Variants in CCSER1 observed in about 807,000 individuals in gnomAD.
CCSER1 encodes the protein coiled-coil serine rich protein 1.
A neutral mutation model predicts 82.0 loss-of-function variants in CCSER1; 41 were observed. The ratio of observed to expected loss-of-function variants is 0.50; its 90% confidence interval spans 0.39 to 0.65. The LOEUF (loss-of-function observed/expected upper bound fraction) is 0.65, where lower values mean the gene tolerates loss of function less well. Among genes scored for constraint, CCSER1 ranks in the 30% least tolerant of loss-of-function variants. CCSER1 has a pLI of 0.00. For missense variants in CCSER1, 1,119 were observed against 1,064.2 expected (o/e 1.05, Z -0.72); for synonymous variants, 414 against 383.9 (o/e 1.08, Z -0.92).
intron 10 of CCSER1, among the ~76,000 whole-genome samples, chr4:91,374,673 A>T (rs1399419249): frequency 6.6e-6 from 1 of 152,224 alleles, no homozygotes; most frequent in Non-Finnish European, 1.5e-5. Context: ...ATCAAGGAAT[A>T]ATTTTGACTT....
intron 4 of CCSER1, among the ~76,000 whole-genome samples, chr4:90,441,254 A>T (rs1759836518): frequency 6.6e-6 from 1 of 152,064 alleles, no homozygotes; most frequent in East Asian, 1.9e-4. Context: ...AGTTGCCTAT[A>T]TTATTGTCGT....
intron 5 of CCSER1, among the ~76,000 whole-genome samples, chr4:90,567,491 T>A (rs1302393444): frequency 6.6e-6 from 1 of 152,106 alleles, no homozygotes; most frequent in Non-Finnish European, 1.5e-5. Flanking sequence ...GGTTTCTCCA[T>A]GTTGGTCAGG....
intron 1 of CCSER1, among the ~76,000 whole-genome samples, chr4:90,274,282 G>A (rs1727130306): frequency 6.6e-6 from 1 of 152,066 alleles, no homozygotes. Flanking sequence ...CATCAGGTGT[G>A]GAAGTCATGG....
At chr4:90,455,133 G>A (rs1173145040) in intron 4 of CCSER1, among the ~76,000 whole-genome samples, 1 of 152,320 alleles carries the variant, frequency 6.6e-6, no homozygotes, top group Middle Eastern at 3.4e-3. Flanking sequence ...GAACTTCCCT[G>A]CAAGGCAAAG....
At chr4:91,399,137 G>A (rs192146393) in intron 10 of CCSER1, among the ~76,000 whole-genome samples, 2 of 151,846 alleles carry the variant, frequency 1.3e-5, no homozygotes, top group Non-Finnish European at 2.9e-5. Context: ...AACAATAAGA[G>A]CATGGCACAC....
At chr4:90,595,151 A>G (rs1186264624) in intron 5 of CCSER1, among the ~76,000 whole-genome samples, 1 of 151,994 alleles carries the variant, frequency 6.6e-6, no homozygotes, top group African/African-American at 2.4e-5. Context: ...AGTTCTTATC[A>G]TGTAATTTCG....
At chr4:90,725,574 C>T (rs1466478727) in intron 7 of CCSER1, among the ~76,000 whole-genome samples, 2 of 151,370 alleles carry the variant, frequency 1.3e-5, no homozygotes, top group African/African-American at 2.4e-5. Flanking sequence ...AATTATCCCA[C>T]TAGTGTTTAT....
intron 10 of CCSER1, among the ~76,000 whole-genome samples, chr4:91,136,581 G>T (rs1250471945): frequency 1.3e-5 from 2 of 151,972 alleles, no homozygotes; most frequent in African/African-American, 2.4e-5. Flanking sequence ...CCCAACATTG[G>T]GAGAATTCTT....
rs558753807 is a variant in CCSER1, at chr4:90,381,831, CTTA to C, written c.1510-18199_1510-18197del. 2.4e-3 allele frequency among the ~76,000 whole-genome samples: 358 copies of C among 152,012 alleles called. 3 individuals carry two copies. Among genetic ancestry groups the C allele is most frequent in the African/African-American group, 8.2e-3 (342 of 41,496 alleles). On this transcript the variant is annotated intron_variant, in intron 3 of 10. Transcript: ENST00000509176. ...TTTGTTTAATTGATGTTTCTCCAAA[CTTA>C]TTATTTTTAATACTCATCATTATTT...
intron 3 of CCSER1, among the ~76,000 whole-genome samples, chr4:90,376,184 T>A (rs1748278925): frequency 6.6e-6 from 1 of 152,168 alleles, no homozygotes; most frequent in South Asian, 2.1e-4. Flanking sequence ...CTCTTCAAAA[T>A]TAGGCTGCCT....
intron 7 of CCSER1, among the ~76,000 whole-genome samples, chr4:90,731,404 AG>A (rs1217569165): frequency 6.6e-6 from 1 of 152,192 alleles, no homozygotes. Flanking sequence ...CAATCCTACA[AG>A]TAATACTAAT....
intron 7 of CCSER1, among the ~76,000 whole-genome samples, chr4:90,787,196 G>A (rs970009456): frequency 6.6e-6 from 1 of 152,160 alleles, no homozygotes; most frequent in Non-Finnish European, 1.5e-5. Context: ...AGGATATGAG[G>A]TGGGACCCTC....
At chr4:91,277,747 C>A (rs1742597003) in intron 10 of CCSER1, among the ~76,000 whole-genome samples, 1 of 151,294 alleles carries the variant, frequency 6.6e-6, no homozygotes, top group Non-Finnish European at 1.5e-5. Flanking sequence ...TTTGTTCTTG[C>A]TTTTCTAATT....
intron 1 of CCSER1, among the ~76,000 whole-genome samples, chr4:90,207,428 T>G (rs1195503354): frequency 6.6e-6 from 1 of 152,196 alleles, no homozygotes; most frequent in Non-Finnish European, 1.5e-5. Flanking sequence ...TTCCTTGCAT[T>G]GGGTTAGAAC....
chr4:91,150,179 TGAA>T (rs1436712393), intron 10 of CCSER1, among the ~76,000 whole-genome samples: 3 of 152,334 alleles, frequency 2.0e-5, no homozygotes, highest in African/African-American at 7.2e-5. Context: ...TAATTCTCCT[TGAA>T]GAAGTCCTTC....
intron 8 of CCSER1, among the ~76,000 whole-genome samples, chr4:90,900,763 T>C (rs1223560803): frequency 2.6e-5 from 4 of 152,054 alleles, no homozygotes; most frequent in Non-Finnish European, 2.9e-5. Context: ...GAAAAATGTA[T>C]ATTCTGCAAT....
intron 1 of CCSER1, among the ~76,000 whole-genome samples, chr4:90,172,471 G>A (rs1731895935): frequency 6.6e-6 from 1 of 151,826 alleles, no homozygotes; most frequent in East Asian, 1.9e-4. Flanking sequence ...AATTGTATGA[G>A]CTACACTGAT....
At chr4:90,622,457 C>T (rs1250672221) in intron 5 of CCSER1, among the ~76,000 whole-genome samples, 1 of 152,116 alleles carries the variant, frequency 6.6e-6, no homozygotes, top group South Asian at 2.1e-4. Flanking sequence ...CGTGATGTTC[C>T]CTTTCCTGTG....
chr4:90,900,369 G>C (rs1399210774), intron 8 of CCSER1, among the ~76,000 whole-genome samples: 1 of 151,798 alleles, frequency 6.6e-6, no homozygotes, highest in Non-Finnish European at 1.5e-5. Context: ...GGTTAATGTA[G>C]CTAGTGGTCT....
Sources: allele counts gnomAD v4.1 joint callset (sites outside exome capture counted in the v4.1 genomes callset), GRCh38; gene constraint gnomAD v4.1.1; transcripts MANE v1.5; gene names NCBI Gene and HGNC (gene_info 2026-07-23, HGNC 2026-07-21).